Variants in IL3RA observed in about 807,000 individuals in gnomAD.
IL3RA encodes the protein interleukin 3 receptor subunit alpha.
Under a neutral mutation model 52.3 loss-of-function variants are expected in IL3RA, and 73 were observed. The ratio of observed to expected loss-of-function variants is 1.40; its 90% CI spans 1.16 to 1.70. The LOEUF is 1.70. Ranked by LOEUF, IL3RA falls within the 40% of genes most tolerant of loss-of-function variation. The pLI, the probability that IL3RA is intolerant of heterozygous loss-of-function variation, is 0.00. For synonymous variants in IL3RA, 260 were observed against 194.0 expected, an observed-to-expected ratio of 1.34 and a Z score of -2.83; for missense variants, 664 against 504.4, an observed-to-expected ratio of 1.32 and a Z score of -3.03.
intron 6 of IL3RA, among the ~76,000 whole-genome samples, chrX:1,353,793 A>T (rs1983481029): frequency 8.4e-6 from 1 of 118,550 alleles, no homozygotes; most frequent in Non-Finnish European, 1.7e-5. Context: ...GGGTTCCATC[A>T]TGGGTCATGG....
In IL3RA at chrX:1,348,519, C is replaced by G. The variant is rs776812933; in HGVS notation, c.272C>G (p.Ser91Cys). ...GTCCGAGTGGCCAACCCACCATTCT[C>G]CACGTGGATCCTCTTCCCTGAGAAC... ...YTVRVANPPF[S>C]TWILFPENSG... The change falls in exon 4 of 12, where the codon TCC (serine) becomes TGC (cysteine). Residue 91 changes from serine (S) to cysteine (C), a missense_variant. By Grantham distance (112) the Ser-to-Cys change is moderately radical (BLOSUM62 -1). Transcript: ENST00000331035. 2.0e-5 allele frequency: 33 copies of G among 1,613,468 alleles called. No homozygotes were observed. Among genetic ancestry groups the G allele is most frequent in the Middle Eastern group, 3.3e-4 (2 of 6,078 alleles).
chrX:1,378,094 G>C (rs1387834519), intron 9 of IL3RA, among the ~76,000 whole-genome samples: 4 of 150,242 alleles, frequency 2.7e-5, no homozygotes, highest in African/African-American at 7.3e-5. Flanking sequence ...GCAGGGGCAG[G>C]AGAATCGCTT....
At chrX:1,354,226 C>A (rs1179789412) in intron 6 of IL3RA, among the ~76,000 whole-genome samples, 1 of 152,178 alleles carries the variant, frequency 6.6e-6, no homozygotes, top group Non-Finnish European at 1.5e-5. Flanking sequence ...CGCCAGTCAC[C>A]TCCCAAAGAC....
At chrX:1,347,767 G>T (rs17880178) in intron 3 of IL3RA, among the ~76,000 whole-genome samples, 1 of 151,904 alleles carries the variant, frequency 6.6e-6, no homozygotes, top group Non-Finnish European at 1.5e-5. Flanking sequence ...GGCCGGGCGC[G>T]GTGGCTCACG....
intron 8 of IL3RA, among the ~76,000 whole-genome samples, chrX:1,362,172 CTT>C (rs60730822): frequency 7.3e-5 from 11 of 149,970 alleles, no homozygotes; most frequent in South Asian, 6.3e-4. Context: ...TTCCCTCTCT[CTT>C]TGTATCTATG....
At chrX:1,357,318 G>C (rs1451673995) in intron 7 of IL3RA, among the ~76,000 whole-genome samples, 5 of 151,200 alleles carry the variant, frequency 3.3e-5, no homozygotes, top group Non-Finnish European at 7.4e-5. Context: ...TTATTTTTGA[G>C]ACGGAGTCCT....
At chrX:1,381,538 ATT>A (rs555777406) in intron 11 of IL3RA, among the ~76,000 whole-genome samples, 23 of 140,046 alleles carry the variant, frequency 1.6e-4, no homozygotes, top group East Asian at 2.1e-4. Context: ...AGCAGAGCAG[ATT>A]TTTTTTTTTT....
chrX:1,358,780 A>G, intron 7 of IL3RA, 81 bp from the exon 8 acceptor site: 1 of 1,514,998 alleles, frequency 6.6e-7, no homozygotes, highest in Non-Finnish European at 9.2e-7. Context: ...GTTTTCCTGG[A>G]GGGAGAAATT....
At chrX:1,378,983 C>A (rs1465584411) in intron 10 of IL3RA, among the ~76,000 whole-genome samples, 2 of 151,812 alleles carry the variant, frequency 1.3e-5, no homozygotes, top group Non-Finnish European at 2.9e-5. Context: ...GCTGGGATTA[C>A]AGGCACCCAG....
At chrX:1,338,862 C>A (rs753344665) in intron 1 of IL3RA, among the ~76,000 whole-genome samples, 1 of 151,948 alleles carries the variant, frequency 6.6e-6, no homozygotes, top group Non-Finnish European at 1.5e-5. Flanking sequence ...TGCAGTGGCG[C>A]GATCTCAGCT....
At chrX:1,349,943 TG>T (rs200987225) in intron 4 of IL3RA, among the ~76,000 whole-genome samples, 1,896 of 151,884 alleles carry the variant, frequency 0.012, 53 homozygotes, top group African/African-American at 0.043. Context: ...GGAGCCACTG[TG>T]CCGGGCCTCA....
intron 2 of IL3RA, among the ~76,000 whole-genome samples, chrX:1,343,257 C>T (rs1395660004): frequency 6.6e-6 from 1 of 152,034 alleles, no homozygotes; most frequent in Non-Finnish European, 1.5e-5. Context: ...AAGATCCTTA[C>T]AGTTTATAAA....
In IL3RA at chrX:1,341,634, G is replaced by A. The variant is rs749073488; in HGVS notation, c.-38-94G>A. On this transcript the variant is annotated intron_variant, in intron 1 of 11. Transcript: ENST00000331035. ...CTCCAGAAGCAGCTCCTTCTGCTGT[G>A]AGCACCAGGCTCTGGAAGGGGCAAG... 3 of 914,758 alleles carry A rather than the reference G, an allele frequency of 3.3e-6. No individual in the cohort carries two copies. In the East Asian group the frequency reaches 7.3e-5, roughly 22 times the overall value. The allele number at this position is 914,758 out of a possible 1,614,324, so 56.7% of individuals were successfully genotyped here. A position where few individuals can be genotyped will look rare whatever the true frequency, so the allele number is the denominator to read the frequency against.
chrX:1,343,096 G>A (rs17882651), intron 2 of IL3RA, among the ~76,000 whole-genome samples: 2,267 of 151,826 alleles, frequency 0.015, 23 homozygotes, highest in Middle Eastern at 0.027. Context: ...ATGAATGAAT[G>A]AATTTCTTAT....
rs6422988 is a variant in IL3RA, at chrX:1,337,163, T to C, written c.-39+237T>C. Among the ~76,000 whole-genome samples the C allele has an allele frequency of 3.4e-3, 516 of 152,358 alleles. 3 individuals carry two copies. Among genetic ancestry groups the C allele is most frequent in the African/African-American group, 0.012 (490 of 41,580 alleles). On this transcript the variant is annotated intron_variant, in intron 1 of 11. Transcript: ENST00000331035. ...AGTGGATCGGACGCTGAAGCCATCATAGCATGTTAGATGCCTTGGGTTTAT... is the reference window on the plus strand; with the variant it reads ...AGTGGATCGGACGCTGAAGCCATCACAGCATGTTAGATGCCTTGGGTTTAT...
At chrX:1,355,111 GAGA>G (rs1353814069) in intron 6 of IL3RA, among the ~76,000 whole-genome samples, 3 of 53,522 alleles carry the variant, frequency 5.6e-5, no homozygotes, top group Non-Finnish European at 1.1e-4. Flanking sequence ...GGAGCGGGAG[GAGA>G]GGAGGAGGAG....
Position 1,381,007 on chromosome X carries a change from T to C in IL3RA, c.981-16T>C, listed in dbSNP as rs1226098615. Reference sequence around the variant, plus strand: ...GGTTTTGGGTTCAGAGCTGGGCCATTTCTCTTTCCTCCGAGGTATCTGGTG... The same window carrying C: ...GGTTTTGGGTTCAGAGCTGGGCCATCTCTCTTTCCTCCGAGGTATCTGGTG... On this transcript the variant is annotated splice_polypyrimidine_tract_variant and intron_variant, in intron 10 of 11. Coordinates refer to ENST00000331035, the MANE Select transcript of IL3RA (RefSeq NM_002183.4). 6.2e-7 allele frequency: 1 copy of C among 1,612,398 alleles called. No individual in the cohort carries two copies. Among genetic ancestry groups the C allele is most frequent in the South Asian group, 1.1e-5 (1 of 91,048 alleles).
intron 4 of IL3RA, among the ~76,000 whole-genome samples, chrX:1,349,686 G>C (rs1205061563): frequency 6.6e-6 from 1 of 151,546 alleles, no homozygotes; most frequent in Non-Finnish European, 1.5e-5. Context: ...TTCTGTGATG[G>C]AGTCTTGTTC....
intron 6 of IL3RA, among the ~76,000 whole-genome samples, chrX:1,353,950 C>A: frequency 1.3e-5 from 1 of 77,000 alleles, no homozygotes; most frequent in Non-Finnish European, 2.9e-5. Context: ...GGGACCCCCC[C>A]CCCCATCATG....
Sources: gnomAD v4.1 joint callset for allele counts (sites outside exome capture counted in the v4.1 genomes callset) on GRCh38, gnomAD v4.1.1 for gene constraint, MANE v1.5 for transcripts, NCBI Gene and HGNC (gene_info 2026-07-23, HGNC 2026-07-21) for gene names.